Variants in PCDH9 observed in about 807,000 individuals in gnomAD.
The protein encoded by PCDH9 is protocadherin-9.
PCDH9 carries 24 observed loss-of-function variants against 70.6 expected under a neutral mutation model. The observed-to-expected ratio is 0.34, with a 90% CI of 0.25 to 0.48. The LOEUF (loss-of-function observed/expected upper bound fraction) is 0.48, where lower values mean the gene tolerates loss of function less well. Among genes scored for constraint, PCDH9 ranks in the 20% least tolerant of loss-of-function variants. The pLI is 0.99. For missense variants in PCDH9, 1,281 were observed against 1,503.6 expected (o/e 0.85, Z 2.45); for synonymous variants, 562 against 558.5 (o/e 1.01, Z -0.09).
chr13:66,914,591 T>C (rs2082527308), intron 2 of PCDH9: 1 of 151,854 alleles, frequency 6.6e-6, no homozygotes, highest in African/African-American at 2.4e-5. Flanking sequence ...ATTTCATTTT[T>C]GGAGAAGAAA....
intron 4 of PCDH9, among the ~76,000 whole-genome samples, chr13:66,410,988 C>T (rs941459329): frequency 6.6e-6 from 1 of 152,178 alleles, no homozygotes; most frequent in Admixed American, 6.6e-5. Flanking sequence ...TCAACACTTG[C>T]TTCTGTTATT....
rs117716827 is a variant in PCDH9, at chr13:66,462,868, G to A, written c.3341-157840C>T. ...TTTTCTACTATGTAAGAGGAGTTCA[G>A]TTAAATAAATTCACTTGCTTTCCAC... On this transcript the variant is annotated intron_variant, in intron 4 of 4. Transcript: ENST00000377865. Among the ~76,000 whole-genome samples, 685 of 151,850 alleles carry A rather than the reference G, an allele frequency of 4.5e-3. 26 individuals carry two copies. In the East Asian group the frequency reaches 0.087, roughly 19 times the overall value.
intron 3 of PCDH9, among the ~76,000 whole-genome samples, chr13:66,759,146 T>G (rs1406196258): frequency 6.6e-6 from 1 of 152,084 alleles, no homozygotes; most frequent in Non-Finnish European, 1.5e-5. Flanking sequence ...TATCAATATT[T>G]ACTTTACATA....
At chr13:66,309,855 CTG>C in intron 4 of PCDH9, among the ~76,000 whole-genome samples, 1 of 151,542 alleles carries the variant, frequency 6.6e-6, no homozygotes, top group African/African-American at 2.4e-5. Flanking sequence ...GTGTTTTTTT[CTG>C]TTTCTCTATT....
chr13:66,418,548 CA>C (rs1258282477), intron 4 of PCDH9, among the ~76,000 whole-genome samples: 1 of 151,964 alleles, frequency 6.6e-6, no homozygotes, highest in Non-Finnish European at 1.5e-5. Flanking sequence ...CCAATGAGAA[CA>C]AAGACACAAT....
chr13:66,521,188 T>C (rs1959970618), intron 4 of PCDH9, among the ~76,000 whole-genome samples: 1 of 152,174 alleles, frequency 6.6e-6, no homozygotes, highest in South Asian at 2.1e-4. Context: ...TTTTTCCCTC[T>C]GTTGAAAGTA....
At chr13:66,803,286 C>G (rs2080355477) in intron 3 of PCDH9, among the ~76,000 whole-genome samples, 1 of 152,154 alleles carries the variant, frequency 6.6e-6, no homozygotes, top group African/African-American at 2.4e-5. Context: ...TGATTAAAAG[C>G]TATCACATGC....
At chr13:66,878,237 A>AT (rs1285284710) in intron 3 of PCDH9, among the ~76,000 whole-genome samples, 1 of 151,350 alleles carries the variant, frequency 6.6e-6, no homozygotes, top group African/African-American at 2.4e-5. Context: ...TTATTTATTT[A>AT]TTTTTTTGAG....
intron 4 of PCDH9, among the ~76,000 whole-genome samples, chr13:66,423,811 T>C (rs945031545): frequency 1.3e-5 from 2 of 152,114 alleles, no homozygotes; most frequent in Admixed American, 1.3e-4. Context: ...CAACATAGCA[T>C]TGGAAGTTCT....
At chr13:66,346,877 T>C (rs1217514477) in intron 4 of PCDH9, among the ~76,000 whole-genome samples, 1 of 152,146 alleles carries the variant, frequency 6.6e-6, no homozygotes, top group Non-Finnish European at 1.5e-5. Context: ...TAAGTATTTG[T>C]ATTAATTTTA....
chr13:67,215,939 A>G (rs950912029), intron 2 of PCDH9: 3 of 152,126 alleles, frequency 2.0e-5, no homozygotes, highest in Non-Finnish European at 2.9e-5. Flanking sequence ...TCATACTTTA[A>G]GTAGTGGCAT....
chr13:66,748,531 T>C (rs2079407802), intron 3 of PCDH9, among the ~76,000 whole-genome samples: 1 of 152,230 alleles, frequency 6.6e-6, no homozygotes, highest in African/African-American at 2.4e-5. Context: ...TTATTTTCTA[T>C]AGCTATACTT....
intron 2 of PCDH9, among the ~76,000 whole-genome samples, chr13:67,186,442 C>A (rs935796260): frequency 6.6e-6 from 1 of 152,136 alleles, no homozygotes; most frequent in Non-Finnish European, 1.5e-5. Flanking sequence ...ACATCGTAAT[C>A]ACCTGGAAAT....
chr13:66,484,081 C>T (rs1958894847), intron 4 of PCDH9, among the ~76,000 whole-genome samples: 5 of 152,200 alleles, frequency 3.3e-5, no homozygotes, highest in Admixed American at 3.3e-4. Context: ...GCTCCCCCAT[C>T]TGCTGAGAGG....
intron 4 of PCDH9, among the ~76,000 whole-genome samples, chr13:66,564,866 T>G (rs112499991): frequency 2.3e-4 from 10 of 43,510 alleles, no homozygotes; most frequent in Non-Finnish European, 3.9e-4. Context: ...TAATGTAGGG[T>G]TTTTTTTTTT....
At chr13:66,561,454 G>A (rs2184841) in intron 4 of PCDH9, among the ~76,000 whole-genome samples, 80,355 of 152,076 alleles carry the variant, frequency 0.53, 21,638 homozygotes, top group East Asian at 0.67. Context: ...TGGCCCTGGT[G>A]TGGGATCCAC....
intron 4 of PCDH9, among the ~76,000 whole-genome samples, chr13:66,609,972 T>G (rs889476072): frequency 6.7e-6 from 1 of 149,302 alleles, no homozygotes; most frequent in Non-Finnish European, 1.5e-5. Flanking sequence ...TTTTTTTTTT[T>G]TTTGAGACGG....
At chr13:66,497,506 T>A (rs1032523184) in intron 4 of PCDH9, among the ~76,000 whole-genome samples, 3 of 152,174 alleles carry the variant, frequency 2.0e-5, no homozygotes, top group Non-Finnish European at 2.9e-5. Context: ...TGTCACACAG[T>A]CAATATAAAT....
At chr13:66,838,407 G>GA (rs1162762288) in intron 3 of PCDH9, among the ~76,000 whole-genome samples, 1 of 151,472 alleles carries the variant, frequency 6.6e-6, no homozygotes, top group Non-Finnish European at 1.5e-5. Flanking sequence ...CAGTTATTTG[G>GA]AAAAAAATAA....
Sources: allele counts gnomAD v4.1 joint callset (sites outside exome capture counted in the v4.1 genomes callset), GRCh38; gene constraint gnomAD v4.1.1; transcripts MANE v1.5; gene names NCBI Gene and HGNC (gene_info 2026-07-23, HGNC 2026-07-21).